TOPBP1: variants seen among roughly 807,000 people sequenced by gnomAD.
The protein encoded by TOPBP1 is DNA topoisomerase 2-binding protein 1.
In TOPBP1, 28 loss-of-function variants were observed where a neutral mutation model predicts 167.7. The ratio of observed to expected loss-of-function variants is 0.17; its 90% CI spans 0.12 to 0.23. The LOEUF (loss-of-function observed/expected upper bound fraction) is 0.23. Among genes scored for constraint, TOPBP1 ranks in the 10% least tolerant of loss-of-function variants. The pLI is 1.00. For synonymous variants in TOPBP1, 598 were observed against 611.4 expected, an observed-to-expected ratio of 0.98 and a Z score of 0.32; for missense variants, 1,554 against 1,809.6, an observed-to-expected ratio of 0.86 and a Z score of 2.56.
chr3:133,612,205 C>T (rs1332533868), intron 24 of TOPBP1, among the ~76,000 whole-genome samples, 184 bp downstream of exon 24: 1 of 151,990 alleles, frequency 6.6e-6, no homozygotes, highest in African/African-American at 2.4e-5. Context: ...CCATGCCTGG[C>T]TAATCTTTGT....
At chr3:133,652,947 G>A (rs891784438) in intron 7 of TOPBP1, among the ~76,000 whole-genome samples, 4 of 152,224 alleles carry the variant, frequency 2.6e-5, no homozygotes, top group Admixed American at 1.3e-4. Flanking sequence ...TTGCCAACAC[G>A]ACACCTACAA....
At chr3:133,638,806 CT>C (rs1334768509) in intron 13 of TOPBP1, among the ~76,000 whole-genome samples, 1 of 152,114 alleles carries the variant, frequency 6.6e-6, no homozygotes, top group African/African-American at 2.4e-5. Context: ...AACAAAAAAC[CT>C]TATTAGATAG....
rs369433427 is a variant in TOPBP1, at chr3:133,649,871, G to A, written c.1162C>T (p.Arg388Cys). ...ACATCTTCATTTAGCTGGTTAAAAC[G>A]AACTCCACCTCCACTGTTAATAAGT... ...RRLINSGGGV[R>C]FNQLNEDVTH... Residue 388 changes from arginine (R) to cysteine (C), a missense_variant, in exon 9 of 28, where the codon CGT becomes TGT. Transcript: ENST00000260810. 4.3e-6 allele frequency: 7 copies of A among 1,612,230 alleles called. No individual in the cohort carries two copies. Among genetic ancestry groups the A allele is most frequent in the East Asian group, 2.2e-5 (1 of 44,822 alleles).
At chr3:133,624,451 G>A (rs1041054553) in intron 16 of TOPBP1, among the ~76,000 whole-genome samples, 8 of 152,008 alleles carry the variant, frequency 5.3e-5, no homozygotes, top group Admixed American at 5.2e-4. Flanking sequence ...TTCAGCCCAG[G>A]CAACACAGCA....
rs368579227 is a variant in TOPBP1, at chr3:133,617,176, G to A, written c.3743C>T (p.Pro1248Leu). The change falls in exon 22 of 28, where the codon CCG (proline) becomes CTG (leucine). Residue 1248 changes from proline (P) to leucine (L), a missense_variant. Transcript: ENST00000260810. Reference protein sequence around the residue: ...AFPLANPPVAPHPREKIITIE... With the variant: ...AFPLANPPVALHPREKIITIE... ...TCAACAAACCTTTTCTCTAGGGTGC[G>A]GAGCCACAGGGGGGTTGGCGAGTGG... 58 of 1,611,964 alleles carry A rather than the reference G, an allele frequency of 3.6e-5. No individual in the cohort carries two copies. Among genetic ancestry groups the A allele is most frequent in the East Asian group, 2.5e-4 (11 of 44,844 alleles).
chr3:133,606,397 T>C (rs950812547), intron 27 of TOPBP1, among the ~76,000 whole-genome samples: 2 of 151,932 alleles, frequency 1.3e-5, no homozygotes, highest in African/African-American at 4.8e-5. Flanking sequence ...AGAGACATTC[T>C]AGGTTTATGG....
Position 133,659,087 on chromosome 3 carries a change from T to A in TOPBP1, c.148A>T (p.Ile50Leu). The change falls in exon 3 of 28, where the codon ATA (isoleucine) becomes TTA (leucine). Residue 50 changes from isoleucine to leucine, a missense_variant. Ile to Leu is a conservative substitution (Grantham distance 5). Transcript: ENST00000260810. ...QIITEEEALK[I>L]KENDRSLYIC... ...TAAAGTGATCTATCATTCTCCTTTA[T>A]CTTCAATGCCTCTTCTTCTGTAATA... 1 of 1,592,630 alleles carries A rather than the reference T, an allele frequency of 6.3e-7. No individual in the cohort carries two copies. Among genetic ancestry groups the A allele is most frequent in the East Asian group, 2.2e-5 (1 of 44,540 alleles).
chr3:133,661,571 T>A (rs1292148671), intron 1 of TOPBP1, among the ~76,000 whole-genome samples, 198 bp downstream of exon 1: 1 of 152,212 alleles, frequency 6.6e-6, no homozygotes, highest in African/African-American at 2.4e-5. Flanking sequence ...TAAGGCTAGA[T>A]GCTCCGGTTC....
At position 133,604,427 on chromosome 3, in the gene TOPBP1, G is replaced by A. The variant is rs762695120; in HGVS notation, c.4426-3034C>T. The stretch of plus-strand genomic sequence containing the variant: ...GTTGAGATTACAGGCGTGTGCTACC[G>A]TGCCCAGCCAGGAATAAACTTATTA... On this transcript the variant is annotated intron_variant, in intron 27 of 27. Coordinates refer to ENST00000260810, the MANE Select transcript of TOPBP1 (RefSeq NM_007027.4). 3.2e-4 allele frequency among the ~76,000 whole-genome samples: 48 copies of A among 151,674 alleles called. 1 individual carries two copies. The highest frequency in any genetic ancestry group is 5.2e-4 in the Non-Finnish European group (35 of 67,916).
chr3:133,623,475 G>A lies in TOPBP1; in HGVS notation c.2929-18C>T, dbSNP rs1309878480. 5.7e-6 allele frequency: 9 copies of A among 1,592,456 alleles called. No homozygotes were observed. The highest frequency in any genetic ancestry group is 7.7e-6 in the Non-Finnish European group (9 of 1,166,580). On this transcript the variant is annotated intron_variant, in intron 17 of 27. Transcript: ENST00000260810. ...TGGGCACACTGCAATACAATGGTGT[G>A]CTTTAAGACAGGACTGACAAAATCT...
chr3:133,651,077 A>G (rs1936278414), intron 8 of TOPBP1, among the ~76,000 whole-genome samples: 1 of 150,460 alleles, frequency 6.6e-6, no homozygotes, highest in African/African-American at 2.4e-5. Flanking sequence ...AGCCTGGGCG[A>G]CAGAGCAAGT....
chr3:133,619,451 T>C (rs1935011968), intron 20 of TOPBP1, among the ~76,000 whole-genome samples: 1 of 152,198 alleles, frequency 6.6e-6, no homozygotes, highest in Non-Finnish European at 1.5e-5. Flanking sequence ...CACACAATTA[T>C]AGATTTTTTT....
chr3:133,609,419 G>T (rs1015624755), intron 25 of TOPBP1, among the ~76,000 whole-genome samples: 5 of 152,170 alleles, frequency 3.3e-5, no homozygotes, highest in South Asian at 2.1e-4. Flanking sequence ...TGGCTAATAA[G>T]GATTTGGAGA....
Position 133,640,126 on chromosome 3 carries a change from A to G in TOPBP1, c.2066T>C (p.Met689Thr), listed in dbSNP as rs1270028598. The G allele has an allele frequency of 1.2e-6, 2 of 1,613,782 alleles. No individual in the cohort carries two copies. The highest frequency in any genetic ancestry group is 3.3e-5 in the Admixed American group (2 of 59,940). The change falls in exon 13 of 28, where the codon ATG (methionine) becomes ACG (threonine). Residue 689 changes from methionine to threonine, a missense_variant. Met to Thr is a moderately conservative substitution (Grantham distance 81). Transcript: ENST00000260810. ...CAGTATAAGATGAGTACTGGCAAACATGCCTTTCTTTGCATTGGATTTGCG... is the reference window on the plus strand; with the variant it reads ...CAGTATAAGATGAGTACTGGCAAACGTGCCTTTCTTTGCATTGGATTTGCG... ...FVRKSNAKKG[M>T]FASTHLILKE...
Position 133,628,684 on chromosome 3 carries a change from C to T in TOPBP1, c.2570G>A (p.Arg857Lys). The T allele has an allele frequency of 6.4e-7, 1 of 1,560,760 alleles. No individual in the cohort carries two copies. The highest frequency in any genetic ancestry group is 1.4e-5 in the African/African-American group (1 of 73,632). Residue 857 changes from arginine (R) to lysine (K), a missense_variant, in exon 15 of 28, where the codon AGG (arginine) becomes AAG (lysine). By Grantham distance (26) the Arg-to-Lys change is conservative. Around this residue, in one of 3 missense-constraint regions of TOPBP1, gnomAD observed 1,197 missense variants for 1,351.5 expected, o/e 0.89. Transcript: ENST00000260810. ...TTCTGAGAGTGGCGTACTCGGTTTC[C>T]TTTTCTGTTGGCTGGGACGTCCTGG... ...ETPGRPSQQK[R>K]KPSTPLSEVI... is the part of the protein sequence containing the mutation.
intron 13 of TOPBP1, among the ~76,000 whole-genome samples, chr3:133,638,893 G>T (rs74844266): frequency 0.035 from 5,272 of 152,200 alleles, 298 homozygotes; most frequent in African/African-American, 0.12. Context: ...TGCCTTTCTG[G>T]AACTTTAAAT....
intron 20 of TOPBP1, among the ~76,000 whole-genome samples, chr3:133,618,798 G>A (rs114823377): frequency 0.029 from 4,399 of 152,078 alleles, 110 homozygotes; most frequent in African/African-American, 0.069. Flanking sequence ...ACAGGGTAAT[G>A]TTTCAAACAC....
chr3:133,600,395 A>G lies in TOPBP1; in HGVS notation c.*855T>C, dbSNP rs1934250781. ...TGGGATTACAGGCATGTGCCACCAC[A>G]CTGGGCTAATTTTTTGTATTTTTAG... is the stretch of plus-strand genomic sequence containing the variant. On this transcript the variant is annotated 3_prime_UTR_variant, in exon 28 of 28. Coordinates refer to ENST00000260810, the MANE Select transcript of TOPBP1 (RefSeq NM_007027.4). 3 of 151,856 alleles carry G rather than the reference A, an allele frequency of 2.0e-5. No individual in the cohort carries two copies. The highest frequency in any genetic ancestry group is 2.0e-4 in the Admixed American group (3 of 15,222). The allele number at this position is 151,856 out of a possible 1,614,324, so 9.4% of individuals were successfully genotyped here. A position where few individuals can be genotyped will look rare whatever the true frequency, so the allele number is the denominator to read the frequency against.
intron 10 of TOPBP1, among the ~76,000 whole-genome samples, chr3:133,645,436 T>C (rs1482778144): frequency 1.3e-5 from 2 of 152,178 alleles, no homozygotes; most frequent in Non-Finnish European, 2.9e-5. Context: ...GGAATGAATA[T>C]GCTTAGATGG....
Sources: gnomAD v4.1 joint callset for allele counts (sites outside exome capture counted in the v4.1 genomes callset) on GRCh38, gnomAD v4.1.1 for gene constraint, gnomAD v4.1.1 regional missense constraint, MANE v1.5 for transcripts, NCBI Gene and HGNC (gene_info 2026-07-23, HGNC 2026-07-21) for gene names.